Variants in SLC67A2 observed in about 807,000 individuals in gnomAD.
The protein encoded by SLC67A2 is solute carrier family 67 member A2.
At chr2:102,723,749 C>T in the SLC67A2 span, 15 of 1,614,140 alleles carry the variant, frequency 9.3e-6, 1 homozygote, top group South Asian at 1.3e-4. Context: ...TGAGATAAAA[C>T]CCATCCTCTA....
At chr2:102,723,653 G>T in the SLC67A2 span, 4 of 1,529,482 alleles carry the variant, frequency 2.6e-6, no homozygotes, top group Admixed American at 1.7e-5. Flanking sequence ...TAGGTAAATT[G>T]GTCAGTATGA....
the SLC67A2 span, chr2:102,736,850 G>A: frequency 6.4e-7 from 1 of 1,559,260 alleles, no homozygotes; most frequent in Non-Finnish European, 8.7e-7. Context: ...AGCAGCCGCG[G>A]ACCTACCCCG....
At chr2:102,735,256 A>C in the SLC67A2 span, among the ~76,000 whole-genome samples, 1 of 152,234 alleles carries the variant, frequency 6.6e-6, no homozygotes, top group African/African-American at 2.4e-5. Flanking sequence ...CTAGAGGCAG[A>C]GAAATCCTCT....
the SLC67A2 span, among the ~76,000 whole-genome samples, chr2:102,731,554 C>G: frequency 6.6e-6 from 1 of 151,992 alleles, no homozygotes; most frequent in Non-Finnish European, 1.5e-5. Flanking sequence ...GCTCTTTTAC[C>G]TCCATTATCA....
the SLC67A2 span, chr2:102,726,703 G>C: frequency 1.6e-6 from 2 of 1,220,992 alleles, no homozygotes; most frequent in African/African-American, 3.1e-5. Context: ...TGCCAGGCAC[G>C]GCTCCCTTCT....
the SLC67A2 span, chr2:102,726,999 T>C: frequency 1.2e-6 from 2 of 1,608,042 alleles, no homozygotes; most frequent in East Asian, 2.2e-5. Flanking sequence ...AAAAAGCCCT[T>C]GGACCCCATT....
chr2:102,723,411 G>A, the SLC67A2 span, among the ~76,000 whole-genome samples: 1 of 152,132 alleles, frequency 6.6e-6, no homozygotes, highest in Admixed American at 6.5e-5. Flanking sequence ...GGAGGTTGCG[G>A]TGAGCTGATA....
the SLC67A2 span, among the ~76,000 whole-genome samples, chr2:102,724,164 CA>C: frequency 1.3e-5 from 2 of 152,118 alleles, no homozygotes; most frequent in African/African-American, 4.8e-5. Context: ...TTATCTCTGG[CA>C]ATCAAGTCCC....
At chr2:102,723,959 A>G in the SLC67A2 span, 1 of 1,465,748 alleles carries the variant, frequency 6.8e-7, no homozygotes, top group Admixed American at 1.7e-5. Context: ...GACCATAAGT[A>G]TCTTACTTAT....
chr2:102,726,809 T>C, the SLC67A2 span: 2 of 1,493,610 alleles, frequency 1.3e-6, no homozygotes, highest in Admixed American at 2.4e-5. Flanking sequence ...TGGGGGAAGC[T>C]ACGTTTGAAA....
At chr2:102,735,667 C>A in the SLC67A2 span, among the ~76,000 whole-genome samples, 2 of 152,142 alleles carry the variant, frequency 1.3e-5, no homozygotes, top group African/African-American at 4.8e-5. Context: ...CAGAAACTAC[C>A]AACATCAGCT....
the SLC67A2 span, among the ~76,000 whole-genome samples, chr2:102,727,781 T>G: frequency 4.6e-5 from 7 of 152,322 alleles, no homozygotes; most frequent in African/African-American, 1.7e-4. Context: ...ATATATACTG[T>G]AATTAGAACA....
At chr2:102,726,829 A>G in the SLC67A2 span, 3 of 1,559,222 alleles carry the variant, frequency 1.9e-6, no homozygotes, top group South Asian at 3.7e-5. Context: ...AAAAAAAAAA[A>G]AAAAAAGTCA....
At chr2:102,730,179 G>T in the SLC67A2 span, among the ~76,000 whole-genome samples, 1 of 152,170 alleles carries the variant, frequency 6.6e-6, no homozygotes, top group African/African-American at 2.4e-5. Context: ...TCAGAAGTAG[G>T]GCACTGACAA....
chr2:102,724,261 G>A, the SLC67A2 span, among the ~76,000 whole-genome samples: 6 of 152,102 alleles, frequency 3.9e-5, no homozygotes, highest in Admixed American at 2.6e-4. Context: ...TCCATAAAGC[G>A]AGTTTTCACT....
chr2:102,724,297 A>G, the SLC67A2 span, among the ~76,000 whole-genome samples: 1 of 152,098 alleles, frequency 6.6e-6, no homozygotes, highest in Non-Finnish European at 1.5e-5. Flanking sequence ...CATTGAGCCA[A>G]TATTTACTGC....
chr2:102,723,778 C>T, the SLC67A2 span: 33 of 1,614,134 alleles, frequency 2.0e-5, no homozygotes, highest in South Asian at 1.3e-4. Context: ...AGATAGCCAC[C>T]GACCACGGGG....
chr2:102,721,657 C>CTGTGTGTG, the SLC67A2 span, among the ~76,000 whole-genome samples: 986 of 148,992 alleles, frequency 6.6e-3, 5 homozygotes, highest in Non-Finnish European at 9.1e-3. Flanking sequence ...GCTCATAGTC[C>CTGTGTGTG]TGTGTGTGTG....
the SLC67A2 span, chr2:102,718,576 G>A: frequency 3.7e-6 from 6 of 1,613,228 alleles, no homozygotes; most frequent in Non-Finnish European, 3.4e-6. Context: ...GGGCGATGAT[G>A]CGGCCCACTG....
Sources: gnomAD v4.1 joint callset for allele counts (sites outside exome capture counted in the v4.1 genomes callset) on GRCh38, gnomAD v4.1.1 for gene constraint, MANE v1.5 for transcripts, NCBI Gene and HGNC (gene_info 2026-07-23, HGNC 2026-07-21) for gene names.